NEK6: variants seen among roughly 807,000 people sequenced by gnomAD.
NEK6 encodes the protein NIMA related kinase 6, also known as serine/threonine-protein kinase Nek6.
NEK6 carries 27 observed loss-of-function variants against 43.5 expected under a neutral mutation model. That is an observed-to-expected ratio of 0.62 (90% CI 0.46 to 0.86). The LOEUF is 0.86. NEK6 is among the 40% of genes least tolerant of loss of function. The pLI, the probability that NEK6 is intolerant of heterozygous loss-of-function variation, is 0.00. For missense variants in NEK6, 318 were observed against 414.4 expected, an observed-to-expected ratio of 0.77 and a Z score of 2.02; for synonymous variants, 167 against 164.1, an observed-to-expected ratio of 1.02 and a Z score of -0.14.
rs1564660072 is a variant in NEK6, at chr9:124,340,313, AGGT to A, written c.717+650_717+652del. ...TTTTGTCCAGCCACACTGGGGCCCC[AGGT>A]GATGAGAGGTGTGGGGAGCATGAGC... On this transcript the variant is annotated intron_variant, in intron 8 of 9. Coordinates refer to ENST00000320246, the MANE Select transcript of NEK6 (RefSeq NM_014397.6). Among the ~76,000 whole-genome samples the A allele has an allele frequency of 3.3e-5, 5 of 152,294 alleles. No individual in the cohort carries two copies. In the East Asian group the frequency reaches 9.7e-4, roughly 29 times the overall value.
chr9:124,271,654 G>A (rs1246886971), intron 1 of NEK6, among the ~76,000 whole-genome samples: 1 of 152,254 alleles, frequency 6.6e-6, no homozygotes, highest in Non-Finnish European at 1.5e-5. Flanking sequence ...GCTGGCCCCA[G>A]AGTTAGTGCT....
At chr9:124,294,477 G>T (rs550615616) in intron 1 of NEK6, among the ~76,000 whole-genome samples, 14 of 148,202 alleles carry the variant, frequency 9.4e-5, no homozygotes, top group African/African-American at 2.5e-4. Flanking sequence ...GGGCGACAAA[G>T]CAAGACTCCA....
intron 7 of NEK6, among the ~76,000 whole-genome samples, chr9:124,333,950 T>G (rs1363512784): frequency 1.3e-5 from 2 of 152,036 alleles, no homozygotes; most frequent in African/African-American, 2.4e-5. Context: ...GCTGATTTTT[T>G]AAATTTTTAG....
intron 2 of NEK6, among the ~76,000 whole-genome samples, chr9:124,310,676 C>A (rs113695607): frequency 0.014 from 2,086 of 152,312 alleles, 38 homozygotes; most frequent in African/African-American, 0.048. Context: ...AGGCCAACTG[C>A]AACCTCCGCC....
intron 3 of NEK6, 92 bp downstream of exon 3, chr9:124,312,741 C>CG: frequency 7.4e-7 from 1 of 1,349,720 alleles, no homozygotes; most frequent in Non-Finnish European, 1.0e-6. Context: ...TCTCTCCCCT[C>CG]TTCTGTGAAC....
intron 9 of NEK6, 103 bp from the exon 10 acceptor site, chr9:124,350,734 A>G (rs1588559594): frequency 1.3e-6 from 1 of 787,628 alleles, no homozygotes; most frequent in Non-Finnish European, 2.2e-6. Context: ...GGGACCATCT[A>G]GTTGCTCTGA....
At chr9:124,257,944 CGCAGGCGGTGGCG>C (rs1049885465) in exon 1 of NEK6, 5 of 977,332 alleles carry the variant, frequency 5.1e-6, no homozygotes, top group African/African-American at 8.9e-5. Flanking sequence ...CGCGGGCCCG[CGCAGGCGGTGGCG>C]GCGGCGGCGG....
intron 1 of NEK6, among the ~76,000 whole-genome samples, chr9:124,283,325 A>G (rs1832007778): frequency 6.6e-6 from 1 of 152,206 alleles, no homozygotes; most frequent in African/African-American, 2.4e-5. Context: ...ACGGAGCCTC[A>G]GTGGGGCCTC....
Position 124,326,025 on chromosome 9 carries a change from C to G in NEK6, c.406-305C>G, listed in dbSNP as rs977971580. Among the ~76,000 whole-genome samples the G allele has an allele frequency of 7.2e-5, 11 of 152,164 alleles. No individual in the cohort carries two copies. The highest frequency in any genetic ancestry group is 2.7e-4 in the African/African-American group (11 of 41,436). On this transcript the variant is annotated intron_variant, in intron 5 of 9. Transcript: ENST00000320246. The surrounding 1 kb of genome is among the most constrained non-coding windows in gnomAD (Gnocchi z 4.5). ...GAAAAATGCAGTTGAGGGCCACTTTCAGCATATTTGAGCTGGGTGTCCATG... is the reference window on the plus strand; with the variant it reads ...GAAAAATGCAGTTGAGGGCCACTTTGAGCATATTTGAGCTGGGTGTCCATG...
intron 2 of NEK6, 72 bp downstream of exon 2, chr9:124,302,126 T>C (rs1283778220): frequency 4.4e-6 from 5 of 1,131,912 alleles, no homozygotes; most frequent in Non-Finnish European, 6.3e-6. Flanking sequence ...GCCTCCTTTG[T>C]CCAAACTCCT....
At chr9:124,336,021 C>T (rs1459951606) in intron 7 of NEK6, among the ~76,000 whole-genome samples, 2 of 151,964 alleles carry the variant, frequency 1.3e-5, no homozygotes, top group Admixed American at 6.6e-5. Flanking sequence ...GGGCAGATAC[C>T]CAAGGTCAAG....
At chr9:124,333,623 G>A (rs987121222) in intron 7 of NEK6, among the ~76,000 whole-genome samples, 2 of 152,094 alleles carry the variant, frequency 1.3e-5, no homozygotes, top group East Asian at 1.9e-4. Flanking sequence ...CCTTTTAGAC[G>A]GGAACTAACA....
chr9:124,328,291 A>G (rs928951514), intron 7 of NEK6, among the ~76,000 whole-genome samples: 9 of 152,160 alleles, frequency 5.9e-5, no homozygotes, highest in Non-Finnish European at 1.2e-4. Context: ...AGTGGAACAC[A>G]GGAGCAGGGT....
intron 4 of NEK6, among the ~76,000 whole-genome samples, chr9:124,316,875 TC>T (rs997408239): frequency 9.9e-5 from 15 of 152,270 alleles, no homozygotes; most frequent in Admixed American, 8.5e-4. Flanking sequence ...GGGCTTTACT[TC>T]CTACCCAACC....
At chr9:124,344,406 G>A (rs971799197) in intron 8 of NEK6, among the ~76,000 whole-genome samples, 2 of 152,200 alleles carry the variant, frequency 1.3e-5, no homozygotes, top group Non-Finnish European at 2.9e-5. Context: ...AGTTGCTGGC[G>A]CTGACCCCAG....
intron 1 of NEK6, chr9:124,291,820 G>T: frequency 1.0e-6 from 1 of 985,434 alleles, no homozygotes; most frequent in Non-Finnish European, 1.2e-6. Context: ...GGGCTCCGTG[G>T]CGGCTGTGAC....
chr9:124,262,199 AC>A (rs1831059290), intron 1 of NEK6, among the ~76,000 whole-genome samples: 1 of 152,138 alleles, frequency 6.6e-6, no homozygotes, highest in Non-Finnish European at 1.5e-5. Context: ...TGGCAAGATA[AC>A]TTTTGGGGAA....
intron 1 of NEK6, among the ~76,000 whole-genome samples, chr9:124,270,071 C>G (rs560057780): frequency 1.3e-4 from 20 of 150,392 alleles, no homozygotes; most frequent in South Asian, 4.2e-4. Context: ...CCTTCCACGC[C>G]CCCCCCCCAT....
chr9:124,261,569 C>A, intron 1 of NEK6: 1 of 985,450 alleles, frequency 1.0e-6, no homozygotes, highest in African/African-American at 1.7e-5. Context: ...TATCTGACAG[C>A]GAGATCGCTT....
Sources: gnomAD v4.1 joint callset for allele counts (sites outside exome capture counted in the v4.1 genomes callset) on GRCh38, gnomAD v4.1.1 for gene constraint, Gnocchi (gnomAD v3.1) non-coding constraint, MANE v1.5 for transcripts, NCBI Gene and HGNC (gene_info 2026-07-23, HGNC 2026-07-21) for gene names.